ADAM12: variants seen among roughly 807,000 people sequenced by gnomAD.
ADAM12 encodes disintegrin and metalloproteinase domain-containing protein 12.
A neutral mutation model predicts 106.4 loss-of-function variants in ADAM12; 70 were observed. The ratio of observed to expected loss-of-function variants is 0.66; its 90% CI spans 0.54 to 0.80. The LOEUF is 0.80. ADAM12 is among the 30% of genes least tolerant of loss of function. The pLI is 0.00. For missense variants in ADAM12, 1,010 were observed against 1,171.9 expected, an observed-to-expected ratio of 0.86 and a Z score of 2.02; for synonymous variants, 420 against 433.5, an observed-to-expected ratio of 0.97 and a Z score of 0.39.
At chr10:126,086,935 A>G (rs1955369361) in intron 11 of ADAM12, among the ~76,000 whole-genome samples, 1 of 151,582 alleles carries the variant, frequency 6.6e-6, no homozygotes, top group Admixed American at 6.6e-5. Flanking sequence ...CGGGAGGCTG[A>G]GGCAGGAGAA....
intron 6 of ADAM12, among the ~76,000 whole-genome samples, chr10:126,114,523 AG>A (rs1453729526): frequency 6.6e-6 from 1 of 152,206 alleles, no homozygotes; most frequent in African/African-American, 2.4e-5. Context: ...CTTGTCGCCC[AG>A]GCTAGAGTGC....
At chr10:126,177,056 A>ACG (rs964348691) in intron 3 of ADAM12, among the ~76,000 whole-genome samples, 1 of 148,288 alleles carries the variant, frequency 6.7e-6, no homozygotes, top group Admixed American at 6.6e-5. Context: ...ACACACACAC[A>ACG]CGCACACACA....
chr10:126,274,435 A>C (rs758926199), intron 3 of ADAM12, among the ~76,000 whole-genome samples: 1 of 152,160 alleles, frequency 6.6e-6, no homozygotes, highest in Non-Finnish European at 1.5e-5. Context: ...CATTCACAAG[A>C]ACTACTAACA....
intron 3 of ADAM12, among the ~76,000 whole-genome samples, chr10:126,271,177 C>T (rs557617440): frequency 7.2e-5 from 11 of 152,308 alleles, no homozygotes; most frequent in African/African-American, 2.4e-4. Flanking sequence ...TCTCTGGCCA[C>T]TGCTCAAAGG....
intron 1 of ADAM12, among the ~76,000 whole-genome samples, chr10:126,377,980 A>G (rs1856354673): frequency 6.6e-6 from 1 of 152,232 alleles, no homozygotes; most frequent in African/African-American, 2.4e-5. Context: ...GGATTGTTTA[A>G]ACTAAACTTA....
chr10:126,275,218 A>G (rs1227608850), intron 3 of ADAM12, among the ~76,000 whole-genome samples: 1 of 152,202 alleles, frequency 6.6e-6, no homozygotes, highest in Non-Finnish European at 1.5e-5. Context: ...CAGCCTGTCC[A>G]ATAAAACATT....
rs575746973 is a variant in ADAM12 at position 126,132,529 on chromosome 10, C to G, written c.416+3055G>C. Among the ~76,000 whole-genome samples, 33 of 140,532 alleles carry G rather than the reference C, an allele frequency of 2.3e-4. 2 individuals carry two copies. The highest frequency in any genetic ancestry group is 1.1e-3 in the Admixed American group (15 of 14,122). The allele number at this position is 140,532 out of a possible 152,430, so 92.2% of individuals were successfully genotyped here. The stretch of plus-strand genomic sequence containing the variant: ...CCCAGGAGTGCTGCATGAACACCCC[C>G]CCCCCCTCAACTAGTCCAGTCCCAG... On this transcript the variant is annotated intron_variant, in intron 5 of 22. Transcript: ENST00000448723.
intron 2 of ADAM12, among the ~76,000 whole-genome samples, chr10:126,309,737 G>T (rs887722152): frequency 6.6e-6 from 1 of 152,162 alleles, no homozygotes; most frequent in Non-Finnish European, 1.5e-5. Context: ...TTAGGGGCTG[G>T]ACTAGCAGTT....
chr10:126,196,291 C>T (rs927534155), intron 3 of ADAM12, among the ~76,000 whole-genome samples: 6 of 152,176 alleles, frequency 3.9e-5, no homozygotes, highest in Non-Finnish European at 7.3e-5. Context: ...AAAGATAAAG[C>T]GCTAAAGTGA....
chr10:126,105,699 A>T (rs1955753609), intron 8 of ADAM12, among the ~76,000 whole-genome samples: 1 of 152,234 alleles, frequency 6.6e-6, no homozygotes, highest in Non-Finnish European at 1.5e-5. Context: ...CAGGGGTTCT[A>T]ATGTCCAGTC....
chr10:126,145,304 T>C (rs1456361674), intron 4 of ADAM12, among the ~76,000 whole-genome samples: 1 of 152,184 alleles, frequency 6.6e-6, no homozygotes, highest in Non-Finnish European at 1.5e-5. Flanking sequence ...TTGGTTCAGC[T>C]GCTCTCCCCC....
chr10:126,105,372 T>G (rs937258916), intron 8 of ADAM12, among the ~76,000 whole-genome samples: 17 of 152,176 alleles, frequency 1.1e-4, no homozygotes, highest in African/African-American at 3.6e-4. Context: ...CATTTCCTTT[T>G]GCTCCCGAGG....
At chr10:126,379,531 G>A (rs755759208) in intron 1 of ADAM12, among the ~76,000 whole-genome samples, 2 of 151,978 alleles carry the variant, frequency 1.3e-5, no homozygotes, top group Non-Finnish European at 2.9e-5. Context: ...TCACACACTG[G>A]GGCGCCTGTC....
At chr10:126,336,820 A>T (rs1854715954) in intron 1 of ADAM12, among the ~76,000 whole-genome samples, 1 of 152,170 alleles carries the variant, frequency 6.6e-6, no homozygotes, top group African/African-American at 2.4e-5. Context: ...AATTACGAAG[A>T]TGTAGGCAGG....
intron 2 of ADAM12, among the ~76,000 whole-genome samples, chr10:126,319,604 A>C (rs1854025329): frequency 6.6e-6 from 1 of 152,182 alleles, no homozygotes; most frequent in Admixed American, 6.5e-5. Context: ...GCCTTCAGAG[A>C]CACGACACTG....
chr10:126,193,972 A>C (rs1450667862), intron 3 of ADAM12, among the ~76,000 whole-genome samples: 2 of 149,740 alleles, frequency 1.3e-5, no homozygotes, highest in African/African-American at 5.1e-5. Flanking sequence ...TGATATGAGA[A>C]ACCAAAGTTG....
intron 3 of ADAM12, among the ~76,000 whole-genome samples, chr10:126,193,007 TG>T (rs1489805552): frequency 6.6e-6 from 1 of 152,224 alleles, no homozygotes; most frequent in Non-Finnish European, 1.5e-5. Flanking sequence ...GGCTCATGCC[TG>T]TAATCCCAGC....
At chr10:126,204,382 C>T (rs547375795) in intron 3 of ADAM12, among the ~76,000 whole-genome samples, 1 of 152,284 alleles carries the variant, frequency 6.6e-6, no homozygotes, top group East Asian at 1.9e-4. Flanking sequence ...AAAGGCTGGC[C>T]CAGGATGCAG....
chr10:126,325,318 G>C (rs1377737069), intron 2 of ADAM12, among the ~76,000 whole-genome samples: 3 of 152,218 alleles, frequency 2.0e-5, no homozygotes, highest in Non-Finnish European at 4.4e-5. Flanking sequence ...TTGGGAATGG[G>C]AGCTGCTACC....
Sources: gnomAD v4.1 joint callset for allele counts (sites outside exome capture counted in the v4.1 genomes callset) on GRCh38, gnomAD v4.1.1 for gene constraint, MANE v1.5 for transcripts, NCBI Gene and HGNC (gene_info 2026-07-23, HGNC 2026-07-21) for gene names.